Variants in IKZF4 observed in about 807,000 individuals in gnomAD.
IKZF4 encodes IKAROS family zinc finger 4.
In IKZF4, 11 loss-of-function variants were observed where a neutral mutation model predicts 47.7. The observed-to-expected ratio is 0.23, with a 90% CI of 0.15 to 0.38. IKZF4 has a LOEUF of 0.38. IKZF4 is among the 10% of genes least tolerant of loss of function. The pLI, the probability that IKZF4 is intolerant of heterozygous loss-of-function variation, is 1.00. For synonymous variants in IKZF4, 298 were observed against 299.4 expected, an observed-to-expected ratio of 1.00 and a Z score of 0.05; for missense variants, 557 against 784.9, an observed-to-expected ratio of 0.71 and a Z score of 3.47.
In IKZF4 at chr12:56,032,586, C is replaced by T; in HGVS notation, c.741C>T (p.Pro247=). ...HSVSSPTVGK[P]YKCNYCGRSY... is the part of the protein sequence containing the mutation. The stretch of plus-strand genomic sequence containing the variant: ...TCTCCTCTCCCACAGTGGGCAAGCC[C>T]TACAAGTGTAACTACTGTGGCCGGA... The change falls in exon 6 of 8, where the codon CCC becomes CCT. Residue 247 remains proline, a synonymous_variant. Coordinates refer to ENST00000547167, the MANE Select transcript of IKZF4 (RefSeq NM_022465.4). The T allele has an allele frequency of 2.5e-6, 4 of 1,613,696 alleles. No homozygotes were observed. The highest frequency in any genetic ancestry group is 3.4e-6 in the Non-Finnish European group (4 of 1,179,760).
chr12:56,020,822 C>A (rs1314971431), upstream of IKZF4: 1 of 495,938 alleles, frequency 2.0e-6, no homozygotes, highest in Non-Finnish European at 2.6e-6. Context: ...TGTCAGTCCC[C>A]ACATCTAGAG....
chr12:56,020,676 G>C (rs1592914988), upstream of IKZF4, among the ~76,000 whole-genome samples: 1 of 152,148 alleles, frequency 6.6e-6, no homozygotes, highest in African/African-American at 2.4e-5. Context: ...GGGGCCCCAG[G>C]GGCACAGGAA....
upstream of IKZF4, chr12:56,020,917 G>T: frequency 3.0e-6 from 3 of 996,252 alleles, no homozygotes; most frequent in Non-Finnish European, 3.6e-6. Context: ...AGCTGTCCGT[G>T]TCCTGGGCCC....
chr12:56,012,437 G>A (rs1271339489), intron 2 of IKZF4, among the ~76,000 whole-genome samples: 4 of 151,954 alleles, frequency 2.6e-5, no homozygotes, highest in South Asian at 4.2e-4. Flanking sequence ...ACCACCCCTG[G>A]CTAATTTTGT....
At chr12:56,026,252 G>A (rs966044338) in intron 3 of IKZF4, among the ~76,000 whole-genome samples, 1 of 151,692 alleles carries the variant, frequency 6.6e-6, no homozygotes, top group Admixed American at 6.6e-5. Flanking sequence ...TTTTTCTCTT[G>A]AAGCCTATTT....
chr12:56,038,039 T>C lies in IKZF4; in HGVS notation c.*2708T>C, dbSNP rs1895763262. 1 of 149,826 alleles carries C rather than the reference T, an allele frequency of 6.7e-6. No individual in the cohort carries two copies. The highest frequency in any genetic ancestry group is 2.4e-5 in the African/African-American group (1 of 40,992). The allele number at this position is 149,826 out of a possible 1,614,324, so 9.3% of individuals were successfully genotyped here. The stretch of plus-strand genomic sequence containing the variant: ...TTTTGTAATACTTCTGGCAGCTTCT[T>C]TCCTTGTGTACATAATATATATATA... On this transcript the variant is annotated 3_prime_UTR_variant, in exon 8 of 8. Transcript: ENST00000547167.
chr12:56,022,989 C>T (rs1048530618), intron 1 of IKZF4, among the ~76,000 whole-genome samples: 8 of 152,134 alleles, frequency 5.3e-5, no homozygotes, highest in Middle Eastern at 3.4e-3. Context: ...TTAGTAGAGA[C>T]GGGGTTTCAC....
Position 56,026,813 on chromosome 12 carries a change from G to A in IKZF4, c.319G>A (p.Glu107Lys). 1.2e-6 allele frequency: 2 copies of A among 1,604,646 alleles called. No individual in the cohort carries two copies. Among genetic ancestry groups the A allele is most frequent in the Non-Finnish European group, 8.5e-7 (1 of 1,175,204 alleles). The change falls in exon 4 of 8, where the codon GAG (glutamate) becomes AAG (lysine). Residue 107 changes from glutamate (E) to lysine (K), a missense_variant. By Grantham distance (56) the Glu-to-Lys change is moderately conservative. Around this residue, in one of 6 missense-constraint regions of IKZF4, gnomAD observed 112 missense variants for 168.2 expected, o/e 0.67. Transcript: ENST00000547167. ...CATCAAGGTGGAGATGTACAGCGAT[G>A]AGGAGTCAAGCAGACTGCTGGGGCC... ...NSIKVEMYSD[E>K]ESSRLLGPDE...
chr12:56,035,441 C>A lies in IKZF4; in HGVS notation c.*110C>A. On this transcript the variant is annotated 3_prime_UTR_variant, in exon 8 of 8. Transcript: ENST00000547167. This position sits in a 1 kb window ranked among gnomAD's most constrained non-coding sequence, Gnocchi z 6.1. ...TTTGCTTTGTAGCCCTCACTACTGG[C>A]CACCTGACCTCACACCTGACCCTGA... The A allele has an allele frequency of 8.6e-7, 1 of 1,167,042 alleles. No homozygotes were observed. The highest frequency in any genetic ancestry group is 1.2e-6 in the Non-Finnish European group (1 of 820,106). 72.3% of individuals were successfully genotyped at this position (1,167,042 alleles called of 1,614,324 possible).
At chr12:56,022,624 A>G (rs1301719980) in intron 1 of IKZF4, among the ~76,000 whole-genome samples, 1 of 152,066 alleles carries the variant, frequency 6.6e-6, no homozygotes, top group East Asian at 1.9e-4. Flanking sequence ...TTCATTATAC[A>G]TATATTTTAG....
Position 56,027,049 on chromosome 12 carries a change from A to G in IKZF4, c.547+8A>G. ...ACAAGCGCAGTCACACTGGTAAGTA[A>G]GCCAGAGGGGCTCTGGGAGGAGCTC... On this transcript the variant is annotated splice_region_variant and intron_variant, in intron 4 of 7. Coordinates refer to ENST00000547167, the MANE Select transcript of IKZF4 (RefSeq NM_022465.4). 2.0e-6 allele frequency: 3 copies of G among 1,501,658 alleles called. No individual in the cohort carries two copies. Among genetic ancestry groups the G allele is most frequent in the Non-Finnish European group, 2.7e-6 (3 of 1,121,974 alleles). 93.0% of individuals were successfully genotyped at this position (1,501,658 alleles called of 1,614,324 possible). A position where few individuals can be genotyped will look rare whatever the true frequency, so the allele number is the denominator to read the frequency against.
chr12:56,014,689 C>G (rs1266816492), intron 2 of IKZF4, among the ~76,000 whole-genome samples: 2 of 152,022 alleles, frequency 1.3e-5, no homozygotes, highest in African/African-American at 4.8e-5. Context: ...CCTGGCTACT[C>G]AGAAGGCTGA....
chr12:56,033,576 G>A (rs578131800), intron 7 of IKZF4, among the ~76,000 whole-genome samples: 38 of 152,090 alleles, frequency 2.5e-4, no homozygotes, highest in African/African-American at 7.5e-4. Context: ...GCGTGGTGGC[G>A]GGCACCTGTA....
intron 2 of IKZF4, 115 bp from the exon 3 acceptor site, chr12:56,024,939 A>G (rs1893698953): frequency 1.3e-6 from 2 of 1,533,546 alleles, no homozygotes; most frequent in African/African-American, 1.4e-5. Flanking sequence ...TGCTTTGTAC[A>G]TGGCTATGAA....
At chr12:56,023,566 CA>C in intron 1 of IKZF4, 104 bp from the exon 2 acceptor site, 3 of 1,327,982 alleles carry the variant, frequency 2.3e-6, no homozygotes, top group Non-Finnish European at 3.1e-6. Context: ...CATTTTTCCT[CA>C]GGCTTTGACG....
intron 5 of IKZF4, among the ~76,000 whole-genome samples, chr12:56,028,384 T>C (rs1894373105): frequency 6.7e-6 from 1 of 148,582 alleles, no homozygotes; most frequent in Non-Finnish European, 1.5e-5. Context: ...AAAAAAAAAA[T>C]TAGCCGGGCA....
upstream of IKZF4, chr12:56,018,055 A>G (rs944884437): frequency 9.6e-7 from 1 of 1,038,124 alleles, no homozygotes; most frequent in Non-Finnish European, 1.3e-6. Context: ...TGCTAACTCA[A>G]GAATATTAAA....
intron 4 of IKZF4, 91 bp from the exon 5 acceptor site, chr12:56,027,689 C>G (rs1894251347): frequency 5.8e-6 from 8 of 1,377,554 alleles, no homozygotes; most frequent in Non-Finnish European, 8.1e-6. Context: ...AGCACCTTCC[C>G]TTGGGCAAGG....
chr12:56,012,053 G>C (rs1227508650), intron 2 of IKZF4, among the ~76,000 whole-genome samples: 5 of 152,014 alleles, frequency 3.3e-5, no homozygotes, highest in Non-Finnish European at 5.9e-5. Context: ...AGGCACATGG[G>C]AAGTTCTGTC....
Sources: gnomAD v4.1 joint callset for allele counts (sites outside exome capture counted in the v4.1 genomes callset) on GRCh38, gnomAD v4.1.1 for gene constraint, gnomAD v4.1.1 regional missense constraint, Gnocchi (gnomAD v3.1) non-coding constraint, MANE v1.5 for transcripts, NCBI Gene and HGNC (gene_info 2026-07-23, HGNC 2026-07-21) for gene names.